DMD: variants seen among roughly 807,000 people sequenced by gnomAD.
DMD encodes the protein dystrophin.
DMD carries 63 observed loss-of-function variants against 330.1 expected under a neutral mutation model. That is an observed-to-expected ratio of 0.19 (90% CI 0.16 to 0.24). The LOEUF (loss-of-function observed/expected upper bound fraction) is 0.24. DMD is among the 10% of genes least tolerant of loss of function. DMD has a pLI of 1.00. For synonymous variants in DMD, 1,223 were observed against 959.8 expected, an observed-to-expected ratio of 1.27 and a Z score of -5.07; for missense variants, 3,344 against 2,684.1, an observed-to-expected ratio of 1.25 and a Z score of -5.43.
intron 62 of DMD, among the ~76,000 whole-genome samples, chrX:31,284,565 T>TCTTCTTCTTCTTCTTCTTC: frequency 1.8e-5 from 1 of 55,719 alleles, no homozygotes; most frequent in African/African-American, 7.3e-5. Context: ...TGTTTCTTCT[T>TCTTCTTCTTCTTCTTCTTC]CTTCTTCTTC....
chrX:32,843,276 T>A, intron 4 of DMD, among the ~76,000 whole-genome samples: 1 of 112,466 alleles, frequency 8.9e-6, no homozygotes, highest in East Asian at 2.8e-4. Context: ...AATATGATAT[T>A]TTGATATTTC....
intron 7 of DMD, 62 bp downstream of exon 7, chrX:32,809,431 C>T: frequency 1.1e-6 from 1 of 946,071 alleles, no homozygotes; most frequent in Non-Finnish European, 1.5e-6. Context: ...AATGACAAGT[C>T]TCAGATGAAA....
intron 7 of DMD, among the ~76,000 whole-genome samples, chrX:32,802,001 T>C (rs894653865): frequency 2.7e-5 from 3 of 112,138 alleles, no homozygotes; most frequent in Non-Finnish European, 5.6e-5. Flanking sequence ...GGCTCTTTTT[T>C]AGTTCCACAT....
At position 32,732,146 on chromosome X, in the gene DMD, G is replaced by A. The variant is rs761038065; in HGVS notation, c.650-32853C>T. On this transcript the variant is annotated intron_variant, in intron 7 of 78. Transcript: ENST00000357033. ...GCCTCAGGAGCCGATGCGATCAACT[G>A]GAAGAAAGGGTATCAGTGATGGAAG... 1.4e-4 allele frequency among the ~76,000 whole-genome samples: 16 copies of A among 111,703 alleles called. No homozygotes were observed. In the East Asian group the frequency reaches 2.8e-3, roughly 20 times the overall value.
intron 11 of DMD, among the ~76,000 whole-genome samples, chrX:32,615,214 T>A (rs1228644991): frequency 9.0e-6 from 1 of 111,359 alleles, no homozygotes; most frequent in Non-Finnish European, 1.9e-5. Flanking sequence ...ACCCATTAAG[T>A]TTGGACGTCA....
intron 43 of DMD, 38 bp downstream of exon 43, chrX:32,287,491 T>G: frequency 8.5e-7 from 1 of 1,170,064 alleles, no homozygotes; most frequent in Non-Finnish European, 1.2e-6. Flanking sequence ...AAACAAATCA[T>G]TTCTGCAAGT....
chrX:33,121,464 C>G (rs921743567), intron 1 of DMD, among the ~76,000 whole-genome samples: 4 of 111,417 alleles, frequency 3.6e-5, no homozygotes, highest in African/African-American at 1.3e-4. Flanking sequence ...ACATCCTGAC[C>G]TCAAGTAATC....
At chrX:31,165,152 C>T (rs1369356137) in intron 74 of DMD, among the ~76,000 whole-genome samples, 5 of 112,069 alleles carry the variant, frequency 4.5e-5, no homozygotes, top group Admixed American at 1.9e-4. Flanking sequence ...AGTAAAGCAA[C>T]GGGATCATGA....
chrX:32,043,088 T>C (rs1206576486), intron 44 of DMD, among the ~76,000 whole-genome samples: 1 of 111,876 alleles, frequency 8.9e-6, no homozygotes, highest in Non-Finnish European at 1.9e-5. Flanking sequence ...CTATTTCATA[T>C]TGAATGCTTG....
rs1187605194 is a variant in DMD, at chrX:32,380,381, A to T, written c.4845+129T>A. 4.1e-5 allele frequency: 27 copies of T among 658,647 alleles called. 1 individual carries two copies. In the Admixed American group the frequency reaches 7.2e-4, roughly 18 times the overall value. 54.3% of individuals were successfully genotyped at this position (658,647 alleles called of 1,213,427 possible). On this transcript the variant is annotated intron_variant, in intron 34 of 78. Transcript: ENST00000357033. ...TCCTGAAAAGCACAGATTAATTTTT[A>T]AGAAAGGGAATATGAAACAATATTA...
intron 2 of DMD, among the ~76,000 whole-genome samples, chrX:32,991,086 A>G (rs148494560): frequency 0.027 from 3,059 of 111,344 alleles, 106 homozygotes; most frequent in African/African-American, 0.093. Context: ...TTAGAAAACT[A>G]TAAAAGTATA....
intron 3 of DMD, among the ~76,000 whole-genome samples, chrX:32,846,068 G>A (rs890311034): frequency 4.5e-5 from 5 of 111,438 alleles, no homozygotes; most frequent in Admixed American, 9.5e-5. Flanking sequence ...TCAGTGTGTC[G>A]ATATGCATAA....
chrX:32,977,822 C>T (rs1271378584), intron 2 of DMD, among the ~76,000 whole-genome samples: 1 of 111,134 alleles, frequency 9.0e-6, no homozygotes, highest in African/African-American at 3.3e-5. Context: ...CTGATTAGTT[C>T]TTCATTCCAC....
rs190977781 is a variant in DMD, at chrX:32,569,550, C to G, written c.1813-3669G>C. ...TGAAGATGGCCTAACAATGTGCATT[C>G]CTAACAAATTTCCTTGATACTGATG... is the stretch of plus-strand genomic sequence containing the variant. On this transcript the variant is annotated intron_variant, in intron 15 of 78. Transcript: ENST00000357033. Among the ~76,000 whole-genome samples, 408 of 111,592 alleles carry G rather than the reference C, an allele frequency of 3.7e-3. 5 individuals are homozygous for G. Among genetic ancestry groups the G allele is most frequent in the African/African-American group, 0.013 (393 of 30,699 alleles).
chrX:31,228,256 T>TAAAAAAAA (rs750444358), intron 63 of DMD, among the ~76,000 whole-genome samples: 1 of 61,844 alleles, frequency 1.6e-5, no homozygotes, highest in African/African-American at 5.4e-5. Context: ...TAAAGTATAA[T>TAAAAAAAA]AAAAAAAAAA....
intron 54 of DMD, among the ~76,000 whole-genome samples, chrX:31,642,441 A>C (rs143163375): frequency 0.037 from 4,115 of 112,099 alleles, 177 homozygotes; most frequent in African/African-American, 0.12. Flanking sequence ...TTCCAAAATA[A>C]AACATTTGCT....
In DMD at chrX:31,765,264, T is replaced by C. The variant is rs1011059384; in HGVS notation, c.7542+8696A>G. Reference sequence around the variant, plus strand: ...ACATATTTAGAATAAGAAATCACAATTGATCAGTTGATTTATTCATTCTAA... The same window carrying C: ...ACATATTTAGAATAAGAAATCACAACTGATCAGTTGATTTATTCATTCTAA... On this transcript the variant is annotated intron_variant, in intron 51 of 78. Transcript: ENST00000357033. Among the ~76,000 whole-genome samples, 4 of 112,095 alleles carry C rather than the reference T, an allele frequency of 3.6e-5. No individual in the cohort carries two copies. The South Asian group carries it at 1.5e-3, about 41-fold the overall frequency.
At chrX:31,790,204 G>A (rs2091501977) in intron 50 of DMD, among the ~76,000 whole-genome samples, 1 of 111,783 alleles carries the variant, frequency 8.9e-6, no homozygotes, top group Non-Finnish European at 1.9e-5. Context: ...TTTCCAAAGA[G>A]AAAGTAGGGT....
intron 44 of DMD, among the ~76,000 whole-genome samples, chrX:32,074,889 A>G (rs1204243526): frequency 9.0e-6 from 1 of 111,191 alleles, no homozygotes; most frequent in African/African-American, 3.3e-5. Context: ...GACAACAACA[A>G]CAACGACAAC....
Sources: allele counts gnomAD v4.1 joint callset (sites outside exome capture counted in the v4.1 genomes callset), GRCh38; gene constraint gnomAD v4.1.1; transcripts MANE v1.5; gene names NCBI Gene and HGNC (gene_info 2026-07-23, HGNC 2026-07-21).